GPHN: variants seen among roughly 807,000 people sequenced by gnomAD.
GPHN encodes the protein gephyrin.
GPHN carries 17 observed loss-of-function variants against 95.5 expected under a neutral mutation model. The observed-to-expected ratio is 0.18, with a 90% CI of 0.12 to 0.27. GPHN has a LOEUF of 0.27. Ranked by LOEUF, GPHN falls within the 10% of genes least tolerant of loss-of-function variation. The pLI, the probability that GPHN is intolerant of heterozygous loss-of-function variation, is 1.00. For missense variants in GPHN, 660 were observed against 978.1 expected (o/e 0.67, Z 4.34); for synonymous variants, 320 against 322.5 (o/e 0.99, Z 0.08).
chr14:67,274,829 G>C, the GPHN span, among the ~76,000 whole-genome samples: 2 of 152,142 alleles, frequency 1.3e-5, no homozygotes, highest in Non-Finnish European at 2.9e-5. Flanking sequence ...CCTTGAAGAG[G>C]TCCTTCACAT....
chr14:66,628,559 T>C (rs543688008), intron 1 of GPHN, among the ~76,000 whole-genome samples: 3 of 152,182 alleles, frequency 2.0e-5, no homozygotes, highest in African/African-American at 7.2e-5. Flanking sequence ...GGTAGGTGAG[T>C]GAGTGAATGG....
At chr14:67,319,933 G>A in the GPHN span, among the ~76,000 whole-genome samples, 1 of 152,024 alleles carries the variant, frequency 6.6e-6, no homozygotes, top group African/African-American at 2.4e-5. Context: ...TCATTCCCTG[G>A]TACCGCATCC....
chr14:66,565,943 C>G (rs57728739), intron 1 of GPHN, among the ~76,000 whole-genome samples: 47,010 of 150,806 alleles, frequency 0.31, 11,113 homozygotes, highest in African/African-American at 0.64. Flanking sequence ...AATATAAGAG[C>G]AAAACCAAAA....
intron 11 of GPHN, among the ~76,000 whole-genome samples, chr14:67,076,450 T>C (rs756102509): frequency 6.6e-6 from 1 of 152,160 alleles, no homozygotes; most frequent in Non-Finnish European, 1.5e-5. Context: ...ATCCCTGTAA[T>C]TCACTTTAAA....
At position 66,795,127 on chromosome 14, in the gene GPHN, A is replaced by G. The variant is rs922512353; in HGVS notation, c.201+18606A>G. ...AGATAGACAGATAGAGAGGCACACT[A>G]TCTTACTGGGTATTGACAATATTTT... On this transcript the variant is annotated intron_variant, in intron 3 of 22. Transcript: ENST00000478722. Among the ~76,000 whole-genome samples, 3 of 152,190 alleles carry G rather than the reference A, an allele frequency of 2.0e-5. No individual in the cohort carries two copies. In the East Asian group the frequency reaches 5.8e-4, roughly 29 times the overall value.
the GPHN span, chr14:67,620,927 A>G: frequency 1.1e-5 from 18 of 1,614,176 alleles, no homozygotes; most frequent in African/African-American, 9.3e-5. Flanking sequence ...TCCCGCTGCC[A>G]TAAGAGAAGC....
chr14:67,317,673 C>G, the GPHN span, among the ~76,000 whole-genome samples: 2 of 152,170 alleles, frequency 1.3e-5, no homozygotes, highest in Non-Finnish European at 2.9e-5. Context: ...TACTATTTAG[C>G]ATATGTAGTA....
chr14:66,872,460 A>G (rs2063479156), intron 4 of GPHN, among the ~76,000 whole-genome samples: 1 of 152,332 alleles, frequency 6.6e-6, no homozygotes, highest in South Asian at 2.1e-4. Flanking sequence ...TATCTTGACC[A>G]TTATACAGTA....
chr14:66,689,838 TA>T (rs1417699439), intron 2 of GPHN, among the ~76,000 whole-genome samples: 1 of 152,064 alleles, frequency 6.6e-6, no homozygotes, highest in East Asian at 1.9e-4. Context: ...TAATAGTCTT[TA>T]ATGATTTTTA....
Position 67,181,643 on chromosome 14 carries a change from A to T in GPHN, c.*706A>T. 6.3e-6 allele frequency: 2 copies of T among 317,312 alleles called. No homozygotes were observed. The highest frequency in any genetic ancestry group is 6.2e-6 in the Non-Finnish European group (1 of 161,654). 19.7% of individuals were successfully genotyped at this position (317,312 alleles called of 1,614,324 possible). On this transcript the variant is annotated 3_prime_UTR_variant, in exon 23 of 23. Coordinates refer to ENST00000478722, the MANE Select transcript of GPHN (RefSeq NM_020806.5). ...TTAAAATTGTACAGAACAAAAAAAT[A>T]AAATCAAAGACTGATCTTGTACAGA...
intron 5 of GPHN, among the ~76,000 whole-genome samples, chr14:66,911,457 AAAGT>A (rs1474291920): frequency 6.6e-6 from 1 of 152,126 alleles, no homozygotes; most frequent in East Asian, 1.9e-4. Context: ...GTTTTACAAA[AAAGT>A]AAGAATGTTT....
the GPHN span, among the ~76,000 whole-genome samples, chr14:67,657,598 G>GCACA: frequency 5.8e-4 from 65 of 112,420 alleles, no homozygotes; most frequent in African/African-American, 1.3e-3. Context: ...GCGCGCGCGT[G>GCACA]CACACACACA....
chr14:66,665,026 G>A (rs1473207057), intron 1 of GPHN, among the ~76,000 whole-genome samples: 3 of 147,300 alleles, frequency 2.0e-5, no homozygotes, highest in African/African-American at 5.0e-5. Flanking sequence ...AGGACCAGAC[G>A]GCTTCACAGC....
the GPHN span, among the ~76,000 whole-genome samples, chr14:67,590,950 T>C: frequency 2.0e-5 from 3 of 152,252 alleles, no homozygotes; most frequent in Admixed American, 6.5e-5. Flanking sequence ...CAGTTTAATA[T>C]GTAAATATTG....
chr14:66,986,455 A>G (rs1341268332), intron 9 of GPHN, among the ~76,000 whole-genome samples: 1 of 152,124 alleles, frequency 6.6e-6, no homozygotes, highest in Non-Finnish European at 1.5e-5. Flanking sequence ...CTTGTTTGCT[A>G]GTTGCTAAAT....
chr14:66,942,726 T>A (rs1253292758), intron 8 of GPHN, among the ~76,000 whole-genome samples: 2 of 152,202 alleles, frequency 1.3e-5, no homozygotes, highest in African/African-American at 2.4e-5. Flanking sequence ...CGTTTGGCAA[T>A]CCCATGTAAC....
intron 1 of GPHN, among the ~76,000 whole-genome samples, chr14:66,665,100 T>G (rs1390764045): frequency 2.6e-5 from 4 of 151,804 alleles, no homozygotes; most frequent in African/African-American, 9.7e-5. Flanking sequence ...TCCAACAAAT[T>G]GAAGAGGAGA....
At chr14:66,859,585 A>G (rs2062944661) in intron 4 of GPHN, among the ~76,000 whole-genome samples, 1 of 152,238 alleles carries the variant, frequency 6.6e-6, no homozygotes, top group Non-Finnish European at 1.5e-5. Context: ...ATCTACAAGT[A>G]TCACGATCAC....
the GPHN span, chr14:67,650,842 A>G: frequency 1.2e-6 from 2 of 1,614,154 alleles, no homozygotes; most frequent in Non-Finnish European, 1.7e-6. Context: ...CAAGAGAAGG[A>G]GGGCATATTG....
Sources: allele counts gnomAD v4.1 joint callset (sites outside exome capture counted in the v4.1 genomes callset), GRCh38; gene constraint gnomAD v4.1.1; transcripts MANE v1.5; gene names NCBI Gene and HGNC (gene_info 2026-07-23, HGNC 2026-07-21).